Variants in PPARG observed in about 807,000 individuals in gnomAD.
PPARG encodes peroxisome proliferator-activated receptor gamma.
PPARG carries 17 observed loss-of-function variants against 39.2 expected under a neutral mutation model. The observed-to-expected ratio is 0.43, with a 90% CI of 0.30 to 0.65. The LOEUF (loss-of-function observed/expected upper bound fraction) is 0.65. PPARG is among the 30% of genes least tolerant of loss of function. The pLI is 0.13. For missense variants in PPARG, 406 were observed against 585.9 expected (o/e 0.69, Z 3.17); for synonymous variants, 223 against 215.7 (o/e 1.03, Z -0.30).
chr3:12,387,039 G>C (rs1229622474), intron 4 of PPARG, among the ~76,000 whole-genome samples: 1 of 152,160 alleles, frequency 6.6e-6, no homozygotes, highest in African/African-American at 2.4e-5. Flanking sequence ...CCCCTGCAAA[G>C]GATATGGACT....
At chr3:12,421,687 A>G (rs1027381794) in intron 7 of PPARG, among the ~76,000 whole-genome samples, 4 of 152,234 alleles carry the variant, frequency 2.6e-5, no homozygotes, top group African/African-American at 7.2e-5. Context: ...ATTTTACAAT[A>G]TATTTTTCAA....
At chr3:12,305,598 G>A (rs1169632103) in intron 1 of PPARG, among the ~76,000 whole-genome samples, 3 of 152,186 alleles carry the variant, frequency 2.0e-5, no homozygotes, top group African/African-American at 7.2e-5. Context: ...TCATACAAGA[G>A]CTGGAGTATT....
At chr3:12,390,444 T>C (rs1371277650) in intron 4 of PPARG, among the ~76,000 whole-genome samples, 1 of 152,100 alleles carries the variant, frequency 6.6e-6, no homozygotes, top group Non-Finnish European at 1.5e-5. Context: ...GAATACTATA[T>C]AATTATGAAA....
At chr3:12,338,028 T>G (rs550347119) in intron 2 of PPARG, among the ~76,000 whole-genome samples, 3 of 152,346 alleles carry the variant, frequency 2.0e-5, no homozygotes, top group African/African-American at 7.2e-5. Flanking sequence ...TATATCCTTC[T>G]GCCTCTTCAG....
Position 12,341,147 on chromosome 3 carries a change from C to T in PPARG, c.-9+28694C>T, listed in dbSNP as rs561809522. Reference sequence around the variant, plus strand: ...GCAGTGAGCTGAGATCACGCCACTGCACTCCAGCCTGGGCAACAGAGCGAG... The same window carrying T: ...GCAGTGAGCTGAGATCACGCCACTGTACTCCAGCCTGGGCAACAGAGCGAG... On this transcript the variant is annotated intron_variant, in intron 2 of 7. Coordinates refer to ENST00000651735, the MANE Select transcript of PPARG (RefSeq NM_138711.6). Among the ~76,000 whole-genome samples the T allele has an allele frequency of 2.0e-5, 3 of 151,018 alleles. No individual in the cohort carries two copies. The East Asian group carries it at 5.9e-4, about 30-fold the overall frequency.
intron 6 of PPARG, chr3:12,406,804 C>A (rs1055904335): frequency 6.6e-6 from 1 of 152,032 alleles, no homozygotes; most frequent in Non-Finnish European, 1.5e-5. Flanking sequence ...AAAATAGATT[C>A]TAGATATTAT....
At chr3:12,400,352 A>G (rs149221454) in intron 5 of PPARG, among the ~76,000 whole-genome samples, 106 of 152,340 alleles carry the variant, frequency 7.0e-4, no homozygotes, top group African/African-American at 2.5e-3. Context: ...CAGGACATCT[A>G]ACTATTCCAT....
intron 1 of PPARG, among the ~76,000 whole-genome samples, chr3:12,295,514 ATTTT>A (rs5741526): frequency 2.8e-5 from 4 of 141,762 alleles, no homozygotes; most frequent in Admixed American, 2.1e-4. Flanking sequence ...TCAAAAAAAA[ATTTT>A]TTTTTTTTTT....
rs1469669319 is a variant in PPARG at position 12,397,143 on chromosome 3, CTTA to C, written c.529+4396_529+4398del. Among the ~76,000 whole-genome samples, 26 of 151,566 alleles carry C rather than the reference CTTA, an allele frequency of 1.7e-4. No individual in the cohort carries two copies. The South Asian group carries it at 3.3e-3, about 19-fold the overall frequency. ...ATCTTAGCTTTGCTGACTAGGATGT[CTTA>C]TTATATAAATGAGAGAGAGTTTGTA... On this transcript the variant is annotated intron_variant, in intron 5 of 7. Transcript: ENST00000651735.
At chr3:12,391,463 A>G (rs1477600728) in intron 4 of PPARG, among the ~76,000 whole-genome samples, 1 of 152,166 alleles carries the variant, frequency 6.6e-6, no homozygotes, top group Non-Finnish European at 1.5e-5. Flanking sequence ...CGATGAAGGA[A>G]ATAGGCAAGT....
intron 6 of PPARG, among the ~76,000 whole-genome samples, chr3:12,415,958 T>C (rs1480277878): frequency 2.0e-5 from 3 of 152,266 alleles, no homozygotes; most frequent in East Asian, 3.8e-4. Flanking sequence ...TTTTTAAACC[T>C]GTAGTTACTT....
chr3:12,294,134 G>C (rs1001363556), intron 1 of PPARG, among the ~76,000 whole-genome samples: 2 of 152,076 alleles, frequency 1.3e-5, no homozygotes, highest in Non-Finnish European at 2.9e-5. Context: ...TTAGGAGAGG[G>C]AAAAATAAAG....
intron 1 of PPARG, among the ~76,000 whole-genome samples, chr3:12,307,330 A>G (rs2047100432): frequency 6.6e-6 from 1 of 152,132 alleles, no homozygotes; most frequent in Admixed American, 6.5e-5. Flanking sequence ...GTTAGGGGAC[A>G]GATCCGTGTA....
chr3:12,428,137 C>G (rs2125311570), intron 7 of PPARG, among the ~76,000 whole-genome samples: 1 of 152,242 alleles, frequency 6.6e-6, no homozygotes, highest in Admixed American at 6.5e-5. Context: ...AACACCCAGC[C>G]CAGGTGGGCA....
chr3:12,346,423 T>C (rs1433559961), intron 2 of PPARG, among the ~76,000 whole-genome samples: 1 of 152,148 alleles, frequency 6.6e-6, no homozygotes, highest in Non-Finnish European at 1.5e-5. Flanking sequence ...CAAAAAGACC[T>C]TAAGGATTAT....
At chr3:12,431,232 T>G (rs576858072) in intron 7 of PPARG, among the ~76,000 whole-genome samples, 1 of 152,268 alleles carries the variant, frequency 6.6e-6, no homozygotes, top group South Asian at 2.1e-4. Context: ...AAACCCAAAC[T>G]TTTTACTTGG....
chr3:12,418,584 T>C (rs1424396490), intron 7 of PPARG, among the ~76,000 whole-genome samples: 1 of 152,256 alleles, frequency 6.6e-6, no homozygotes, highest in Non-Finnish European at 1.5e-5. Context: ...TAATACTTGC[T>C]GTGTGCCAGG....
rs539601186 is a variant in PPARG, at chr3:12,290,540, T to G, written c.-83+1406T>G. Among the ~76,000 whole-genome samples the G allele has an allele frequency of 1.2e-3, 178 of 152,248 alleles. 1 individual carries two copies. Among genetic ancestry groups the G allele is most frequent in the Non-Finnish European group, 1.8e-3 (123 of 67,978 alleles). On this transcript the variant is annotated intron_variant, in intron 1 of 7. Transcript: ENST00000651735. ...AACTACTTTTAAAAAAATTCTAGATTATGCTTTAAATTGCAATATTTCTAA... is the reference window on the plus strand; with the variant it reads ...AACTACTTTTAAAAAAATTCTAGATGATGCTTTAAATTGCAATATTTCTAA...
At chr3:12,296,713 C>G (rs2046795863) in intron 1 of PPARG, among the ~76,000 whole-genome samples, 1 of 152,174 alleles carries the variant, frequency 6.6e-6, no homozygotes, top group Admixed American at 6.5e-5. Context: ...AACACTGGTT[C>G]TTTTTAGCTT....
Sources: allele counts gnomAD v4.1 joint callset (sites outside exome capture counted in the v4.1 genomes callset), GRCh38; gene constraint gnomAD v4.1.1; transcripts MANE v1.5; gene names NCBI Gene and HGNC (gene_info 2026-07-23, HGNC 2026-07-21).